Variants in NFIC observed in about 807,000 individuals in gnomAD.
The protein encoded by NFIC is nuclear factor I C.
Under a neutral mutation model 54.4 loss-of-function variants are expected in NFIC, and 12 were observed. That is an observed-to-expected ratio of 0.22 (90% CI 0.14 to 0.36). NFIC has a LOEUF of 0.36. NFIC is among the 10% of genes least tolerant of loss of function. NFIC has a pLI of 1.00. For missense variants in NFIC, 575 were observed against 718.2 expected (o/e 0.80, Z 2.28); for synonymous variants, 322 against 319.2 (o/e 1.01, Z -0.09).
intron 2 of NFIC, among the ~76,000 whole-genome samples, chr19:3,398,686 C>T (rs543010260): frequency 1.3e-5 from 2 of 152,296 alleles, no homozygotes; most frequent in Non-Finnish European, 2.9e-5. Flanking sequence ...TCCCGTGCTC[C>T]AGGCCAGCCC....
chr19:3,454,377 G>A, intron 9 of NFIC: 1 of 639,692 alleles, frequency 1.6e-6, no homozygotes, highest in Non-Finnish European at 1.9e-6. Context: ...GCTTCTTGGG[G>A]AGAAAGGAGC....
chr19:3,445,406 G>A (rs1276500703), intron 6 of NFIC, among the ~76,000 whole-genome samples: 2 of 152,188 alleles, frequency 1.3e-5, no homozygotes, highest in African/African-American at 2.4e-5. Flanking sequence ...GCTCAGCCTC[G>A]ATGTCCGAGG....
intron 6 of NFIC, among the ~76,000 whole-genome samples, chr19:3,446,323 CCA>C (rs1254060456): frequency 1.3e-5 from 2 of 152,090 alleles, no homozygotes; most frequent in African/African-American, 4.8e-5. Context: ...AGGGTCTCAC[CCA>C]CACGTGATTC....
chr19:3,420,556 A>AAAAAATATAAAT (rs1555751892), intron 2 of NFIC, among the ~76,000 whole-genome samples: 5 of 142,680 alleles, frequency 3.5e-5, no homozygotes, highest in Non-Finnish European at 6.0e-5. Flanking sequence ...CCATCTCAAA[A>AAAAAATATAAAT]AAATAAATAA....
In NFIC at chr19:3,465,703, C is replaced by G. The variant is rs1018589755; in HGVS notation, c.*2934C>G. 10 of 152,370 alleles carry G rather than the reference C, an allele frequency of 6.6e-5. No individual in the cohort carries two copies. The highest frequency in any genetic ancestry group is 2.4e-4 in the African/African-American group (10 of 41,568). 9.4% of individuals were successfully genotyped at this position (152,370 alleles called of 1,614,324 possible). On this transcript the variant is annotated 3_prime_UTR_variant, in exon 11 of 11. Coordinates refer to ENST00000443272, the MANE Select transcript of NFIC (RefSeq NM_001245002.2). Reference sequence around the variant, plus strand: ...AAGGGCTCTCCTCTCTGATTGGTCCCTAGGCCACGGGCCGGCCCCCAGACA... The same window carrying G: ...AAGGGCTCTCCTCTCTGATTGGTCCGTAGGCCACGGGCCGGCCCCCAGACA...
intron 3 of NFIC, among the ~76,000 whole-genome samples, chr19:3,430,389 A>AT (rs2145620004): frequency 6.6e-6 from 1 of 151,930 alleles, no homozygotes; most frequent in East Asian, 1.9e-4. Context: ...CACCCGGCTA[A>AT]TTTTTTGTAT....
Position 3,458,461 on chromosome 19 carries a change from C to T in NFIC, c.1509+1826C>T, listed in dbSNP as rs909364855. Among the ~76,000 whole-genome samples, 3 of 152,256 alleles carry T rather than the reference C, an allele frequency of 2.0e-5. No individual in the cohort carries two copies. Among genetic ancestry groups the T allele is most frequent in the African/African-American group, 7.2e-5 (3 of 41,550 alleles). On this transcript the variant is annotated intron_variant, in intron 10 of 10. Transcript: ENST00000443272. The surrounding 1 kb of genome is among the most constrained non-coding windows in gnomAD (Gnocchi z 4.1). ...CTGACCAGGCCCTCCCGCCAGGGCCCGGGACCCTTCTCTCAGACTGTGCTG... is the reference window on the plus strand; with the variant it reads ...CTGACCAGGCCCTCCCGCCAGGGCCTGGGACCCTTCTCTCAGACTGTGCTG...
At chr19:3,446,020 C>T (rs1417535463) in intron 6 of NFIC, among the ~76,000 whole-genome samples, 1 of 149,434 alleles carries the variant, frequency 6.7e-6, no homozygotes, top group Non-Finnish European at 1.5e-5. Context: ...GTGCCCAGGA[C>T]AGCTCCCTAC....
At chr19:3,413,906 A>G (rs2081806815) in intron 2 of NFIC, among the ~76,000 whole-genome samples, 1 of 151,948 alleles carries the variant, frequency 6.6e-6, no homozygotes, top group African/African-American at 2.4e-5. Context: ...CAACCTCCCT[A>G]GCATTTCAAC....
intron 2 of NFIC, among the ~76,000 whole-genome samples, chr19:3,424,327 C>T (rs1274265426): frequency 1.3e-5 from 2 of 150,806 alleles, no homozygotes; most frequent in Non-Finnish European, 3.0e-5. Flanking sequence ...CGTGCCTGGC[C>T]GTTTTGTTTT....
In NFIC at chr19:3,370,859, T is replaced by G. The variant is rs566266228; in HGVS notation, c.30+4193T>G. On this transcript the variant is annotated intron_variant, in intron 1 of 10. Coordinates refer to ENST00000443272, the MANE Select transcript of NFIC (RefSeq NM_001245002.2). The surrounding 1 kb of genome is among the most constrained non-coding windows in gnomAD (Gnocchi z 5.2). ...GGCCCGCCCCCCACTCTCCTGCCTG[T>G]GTCCACGCCGACCTCACCTGGGTGC... is the stretch of plus-strand genomic sequence containing the variant. Among the ~76,000 whole-genome samples, 8 of 151,994 alleles carry G rather than the reference T, an allele frequency of 5.3e-5. No individual in the cohort carries two copies. Among genetic ancestry groups the G allele is most frequent in the Admixed American group, 6.6e-5 (1 of 15,242 alleles).
In NFIC at chr19:3,398,643, G is replaced by C. The variant is rs1230417939; in HGVS notation, c.562+16400G>C. Among the ~76,000 whole-genome samples the C allele has an allele frequency of 9.2e-5, 14 of 152,150 alleles. 1 individual carries two copies. Among genetic ancestry groups the C allele is most frequent in the Non-Finnish European group, 2.1e-4 (14 of 68,012 alleles). On this transcript the variant is annotated intron_variant, in intron 2 of 10. Coordinates refer to ENST00000443272, the MANE Select transcript of NFIC (RefSeq NM_001245002.2). ...ACCCAGAGGCCCTCGGACCCGGGCT[G>C]TACCCTGTGACAGCTCCGGGTGGCT... is the stretch of plus-strand genomic sequence containing the variant.
At chr19:3,415,221 T>G (rs977330390) in intron 2 of NFIC, among the ~76,000 whole-genome samples, 2 of 151,158 alleles carry the variant, frequency 1.3e-5, no homozygotes, top group Non-Finnish European at 2.9e-5. Context: ...CAAACAATTC[T>G]CCTGCCTCAG....
chr19:3,447,052 A>T (rs898543742), intron 6 of NFIC, among the ~76,000 whole-genome samples: 7 of 152,080 alleles, frequency 4.6e-5, no homozygotes, highest in Admixed American at 1.3e-4. Context: ...TAATCCCAGC[A>T]CTTTGGGAGG....
chr19:3,387,752 G>C (rs1479971755), intron 2 of NFIC, among the ~76,000 whole-genome samples: 1 of 151,918 alleles, frequency 6.6e-6, no homozygotes, highest in Non-Finnish European at 1.5e-5. Context: ...TGTTCAGGGG[G>C]TAGTGAGTGG....
Position 3,375,341 on chromosome 19 carries a change from G to A in NFIC, c.31-6371G>A, listed in dbSNP as rs1431759969. ...ACAGGCAGGTCCTGCGCCTCTATGG[G>A]TCCTCTCTGCCGCGTCCCACTGTGC... is the stretch of plus-strand genomic sequence containing the variant. On this transcript the variant is annotated intron_variant, in intron 1 of 10. Coordinates refer to ENST00000443272, the MANE Select transcript of NFIC (RefSeq NM_001245002.2). The surrounding 1 kb of genome is among the most constrained non-coding windows in gnomAD (Gnocchi z 4.6). 2.6e-5 allele frequency among the ~76,000 whole-genome samples: 4 copies of A among 152,134 alleles called. No individual in the cohort carries two copies. The highest frequency in any genetic ancestry group is 5.9e-5 in the Non-Finnish European group (4 of 68,008).
rs770764618 is a variant in NFIC, at chr19:3,381,970, A to G, written c.289A>G (p.Thr97Ala). The part of the protein sequence containing the change: ...ECREDFVLSI[T>A]GKKAPGCVLS... ...CCGCGAGGACTTCGTGCTGAGCATC[A>G]CCGGCAAGAAGGCGCCGGGCTGCGT... The change falls in exon 2 of 11, where the codon ACC (threonine) becomes GCC (alanine). Residue 97 changes from threonine (T) to alanine (A), a missense_variant. Physicochemically the swap from Thr to Ala is moderately conservative, Grantham distance 58. Coordinates refer to ENST00000443272, the MANE Select transcript of NFIC (RefSeq NM_001245002.2). 19 of 1,613,380 alleles carry G rather than the reference A, an allele frequency of 1.2e-5. No homozygotes were observed. The highest frequency in any genetic ancestry group is 2.7e-5 in the African/African-American group (2 of 74,942).
chr19:3,441,848 C>T (rs1169466340), intron 6 of NFIC, among the ~76,000 whole-genome samples: 2 of 152,226 alleles, frequency 1.3e-5, no homozygotes, highest in African/African-American at 4.8e-5. Context: ...GGCCCCTGGC[C>T]ACCACCCTGG....
chr19:3,377,203 G>A (rs999186880), intron 1 of NFIC, among the ~76,000 whole-genome samples: 11 of 151,340 alleles, frequency 7.3e-5, no homozygotes, highest in African/African-American at 2.7e-4. Flanking sequence ...GCATGGTGGC[G>A]GGTGCCTGTA....
Sources: gnomAD v4.1 joint callset for allele counts (sites outside exome capture counted in the v4.1 genomes callset) on GRCh38, gnomAD v4.1.1 for gene constraint, Gnocchi (gnomAD v3.1) non-coding constraint, MANE v1.5 for transcripts, NCBI Gene and HGNC (gene_info 2026-07-23, HGNC 2026-07-21) for gene names.